The following VPS50 variants were observed in gnomAD, a reference collection of about 807,000 sequenced individuals.
VPS50 encodes syndetin.
VPS50 carries 70 observed loss-of-function variants against 139.7 expected under a neutral mutation model. The observed-to-expected ratio is 0.50, with a 90% CI of 0.41 to 0.61. VPS50 has a LOEUF of 0.61. Among genes scored for constraint, VPS50 ranks in the 20% least tolerant of loss-of-function variants. The probability of loss-of-function intolerance (pLI) is 0.00; values close to 1 mark genes in which losing one functional copy is unlikely to be tolerated. For missense variants in VPS50, 921 were observed against 1,133.7 expected (o/e 0.81, Z 2.69); for synonymous variants, 365 against 376.7 (o/e 0.97, Z 0.36).
At position 93,323,750 on chromosome 7, in the gene VPS50, G is replaced by C. The variant is rs200655509; in HGVS notation, c.1977+18G>C. Reference sequence around the variant, plus strand: ...ATGATTCAGTAAGTCCACCTTTAGAGGGAAAAAAATCTTTCTTTTAAAATT... The same window carrying C: ...ATGATTCAGTAAGTCCACCTTTAGACGGAAAAAAATCTTTCTTTTAAAATT... On this transcript the variant is annotated intron_variant, in intron 21 of 27. Coordinates refer to ENST00000305866, the MANE Select transcript of VPS50 (RefSeq NM_017667.4). 3.0e-6 allele frequency: 4 copies of C among 1,345,718 alleles called. No individual in the cohort carries two copies. Among genetic ancestry groups the C allele is most frequent in the Middle Eastern group, 4.0e-4 (2 of 4,976 alleles). 83.4% of individuals were successfully genotyped at this position (1,345,718 alleles called of 1,614,324 possible).
chr7:93,341,275 C>T, intron 22 of VPS50, 152 bp from the exon 23 acceptor site: 1 of 561,932 alleles, frequency 1.8e-6, no homozygotes, highest in Non-Finnish European at 3.1e-6. Flanking sequence ...CCAATAGTTA[C>T]AAACATGAAA....
chr7:93,341,412 CTA>C lies in VPS50; in HGVS notation c.2059-13_2059-12del. Reference sequence around the variant, plus strand: ...AGATTTGTTATTCCAGGTTGTATATCTATTGTATTTTCAGGAAGTTTCAGCTG... The same window carrying C: ...AGATTTGTTATTCCAGGTTGTATATCTTGTATTTTCAGGAAGTTTCAGCTG... On this transcript the variant is annotated splice_polypyrimidine_tract_variant and intron_variant, in intron 22 of 27. Transcript: ENST00000305866. The C allele has an allele frequency of 6.3e-7, 1 of 1,582,006 alleles. No individual in the cohort carries two copies. The highest frequency in any genetic ancestry group is 8.6e-7 in the Non-Finnish European group (1 of 1,163,204).
intron 9 of VPS50, among the ~76,000 whole-genome samples, chr7:93,263,471 A>G (rs774284243): frequency 1.3e-5 from 2 of 152,184 alleles, no homozygotes; most frequent in Non-Finnish European, 2.9e-5. Flanking sequence ...GCAAGTTTAT[A>G]TGCACAGTAT....
At chr7:93,250,044 A>G (rs1332183303) in intron 2 of VPS50, among the ~76,000 whole-genome samples, 1 of 151,302 alleles carries the variant, frequency 6.6e-6, no homozygotes, top group African/African-American at 2.4e-5. Flanking sequence ...AACTGATTGC[A>G]CGCTGACTCA....
intron 15 of VPS50, 49 bp from the exon 16 acceptor site, chr7:93,297,096 C>G: frequency 1.3e-6 from 2 of 1,525,638 alleles, no homozygotes; most frequent in Non-Finnish European, 1.7e-6. Flanking sequence ...ACTTCTTTTT[C>G]TCTATAAGGC....
chr7:93,342,880 G>GA (rs1232437000), intron 23 of VPS50, among the ~76,000 whole-genome samples: 2 of 152,222 alleles, frequency 1.3e-5, no homozygotes, highest in Admixed American at 1.3e-4. Flanking sequence ...CAAAGATGGG[G>GA]AAAAAAACAG....
intron 12 of VPS50, among the ~76,000 whole-genome samples, chr7:93,282,715 G>T (rs1415051969): frequency 5.3e-5 from 8 of 152,178 alleles, no homozygotes; most frequent in Non-Finnish European, 2.9e-5. Flanking sequence ...GATTGTTGAG[G>T]TTAATTTGCT....
At chr7:93,304,832 T>C (rs924233857) in intron 17 of VPS50, among the ~76,000 whole-genome samples, 1 of 151,840 alleles carries the variant, frequency 6.6e-6, no homozygotes, top group Non-Finnish European at 1.5e-5. Context: ...TTCTAAAAAT[T>C]AGTCTCATTG....
intron 2 of VPS50, among the ~76,000 whole-genome samples, chr7:93,241,494 T>C (rs1794989739): frequency 6.6e-6 from 1 of 152,158 alleles, no homozygotes; most frequent in Admixed American, 6.6e-5. Flanking sequence ...AAAAAATGTA[T>C]TGATGCTATA....
intron 2 of VPS50, among the ~76,000 whole-genome samples, chr7:93,250,880 G>A (rs546053660): frequency 6.6e-6 from 1 of 152,116 alleles, no homozygotes; most frequent in East Asian, 1.9e-4. Context: ...AGTGGGTGAG[G>A]GATATAAACA....
intron 3 of VPS50, 31 bp from the exon 4 acceptor site, chr7:93,253,829 T>G (rs752239306): frequency 1.6e-6 from 2 of 1,275,738 alleles, no homozygotes; most frequent in African/African-American, 3.0e-5. Context: ...AATTTATTTT[T>G]TCCTCTTCTT....
chr7:93,271,269 AG>A lies in VPS50; in HGVS notation c.702+8del, dbSNP rs1369955834. On this transcript the variant is annotated splice_region_variant and intron_variant, in intron 10 of 27. Coordinates refer to ENST00000305866, the MANE Select transcript of VPS50 (RefSeq NM_017667.4). ...TACTTTGGAACAGATTGAGGTAAGA[AG>A]TATTATATCCTAACCTTAATGAGTT... 1 of 1,558,392 alleles carries A rather than the reference AG, an allele frequency of 6.4e-7. No individual in the cohort carries two copies. The highest frequency in any genetic ancestry group is 8.6e-7 in the Non-Finnish European group (1 of 1,159,840).
intron 8 of VPS50, 132 bp from the exon 9 acceptor site, chr7:93,259,417 TG>T (rs1795597456): frequency 2.7e-5 from 14 of 520,148 alleles, no homozygotes. Flanking sequence ...TATCTATCAT[TG>T]ATATTCTAAG....
At chr7:93,265,755 T>TG (rs1205872554) in intron 9 of VPS50, among the ~76,000 whole-genome samples, 2 of 151,982 alleles carry the variant, frequency 1.3e-5, no homozygotes, top group Non-Finnish European at 2.9e-5. Flanking sequence ...TTAGTAGAGA[T>TG]GGGGTTTCAT....
Position 93,278,782 on chromosome 7 carries a change from G to GATAT in VPS50, c.942+2490_942+2493dup, listed in dbSNP as rs35394421. On this transcript the variant is annotated intron_variant, in intron 12 of 27. Transcript: ENST00000305866. ...TATCCATATACGTGTGATAGTAGGT[G>GATAT]ATATATATATATATATGTACATATA... Among the ~76,000 whole-genome samples, 270 of 148,034 alleles carry GATAT rather than the reference G, an allele frequency of 1.8e-3. 1 individual carries two copies. The highest frequency in any genetic ancestry group is 3.2e-3 in the Non-Finnish European group (214 of 66,988).
intron 2 of VPS50, among the ~76,000 whole-genome samples, chr7:93,251,625 C>CAAA (rs2116818390): frequency 6.6e-6 from 1 of 152,076 alleles, no homozygotes; most frequent in South Asian, 2.1e-4. Context: ...ATGTAACAAA[C>CAAA]CTGCACATTC....
At chr7:93,341,992 A>G (rs564478264) in intron 23 of VPS50, among the ~76,000 whole-genome samples, 1 of 152,354 alleles carries the variant, frequency 6.6e-6, no homozygotes, top group Admixed American at 6.5e-5. Flanking sequence ...GCCGAATAGG[A>G]ACAGCTCCAG....
In VPS50 at chr7:93,276,231, C is replaced by G. The variant is rs1378535430; in HGVS notation, c.868C>G (p.Leu290Val). 9 of 1,613,472 alleles carry G rather than the reference C, an allele frequency of 5.6e-6. No homozygotes were observed. The highest frequency in any genetic ancestry group is 7.6e-6 in the Non-Finnish European group (9 of 1,179,654). ...TCACAACACCGTGTTTCAAGTTGTT[C>G]TTGGTTATGTGGAACTATGTGCAGG... Reference protein sequence around the residue: ...AIHNTVFQVVLGYVELCAGNT... With the variant: ...AIHNTVFQVVVGYVELCAGNT... The change falls in exon 12 of 28, where the codon CTT becomes GTT. Residue 290 changes from leucine (L) to valine (V), a missense_variant. Leu to Val is a conservative substitution (Grantham distance 32, BLOSUM62 1). Coordinates refer to ENST00000305866, the MANE Select transcript of VPS50 (RefSeq NM_017667.4).
chr7:93,252,150 G>C (rs1795354089), intron 2 of VPS50, among the ~76,000 whole-genome samples: 1 of 152,120 alleles, frequency 6.6e-6, no homozygotes, highest in Admixed American at 6.6e-5. Flanking sequence ...CTAAATTTGT[G>C]AACCTTTTCT....
Sources: allele counts gnomAD v4.1 joint callset (sites outside exome capture counted in the v4.1 genomes callset), GRCh38; gene constraint gnomAD v4.1.1; transcripts MANE v1.5; gene names NCBI Gene and HGNC (gene_info 2026-07-23, HGNC 2026-07-21).